Variants in LRTM1 observed in about 807,000 individuals in gnomAD.
The protein encoded by LRTM1 is leucine-rich repeat and transmembrane domain-containing protein 1.
In LRTM1, 38 loss-of-function variants were observed where a neutral mutation model predicts 32.4. The ratio of observed to expected loss-of-function variants is 1.17; its 90% CI spans 0.91 to 1.54. The LOEUF (loss-of-function observed/expected upper bound fraction) is 1.54, where lower values mean the gene tolerates loss of function less well. Among genes scored for constraint, LRTM1 ranks in the 40% most tolerant of loss-of-function variants. The probability of loss-of-function intolerance (pLI) is 0.00; values close to 1 mark genes in which losing one functional copy is unlikely to be tolerated. For synonymous variants in LRTM1, 186 were observed against 169.9 expected, an observed-to-expected ratio of 1.09 and a Z score of -0.74; for missense variants, 466 against 415.4, an observed-to-expected ratio of 1.12 and a Z score of -1.06.
intron 1 of LRTM1, among the ~76,000 whole-genome samples, chr3:54,957,414 GC>G (rs1559644792): frequency 6.6e-6 from 1 of 152,088 alleles, no homozygotes; most frequent in Non-Finnish European, 1.5e-5. Flanking sequence ...CTCCTAAAGT[GC>G]TGGGATTACA....
intron 2 of LRTM1, among the ~76,000 whole-genome samples, chr3:54,920,529 C>T (rs1184495608): frequency 6.6e-6 from 1 of 152,130 alleles, no homozygotes; most frequent in Admixed American, 6.5e-5. Context: ...ACTGATTTTC[C>T]TGAGGCCAGA....
At chr3:54,929,298 C>T (rs901982394), upstream of LRTM1, among the ~76,000 whole-genome samples, 6 of 152,126 alleles carry the variant, frequency 3.9e-5, no homozygotes, top group African/African-American at 1.2e-4. Context: ...CATAAGTGTT[C>T]ACAATTTTGC....
intron 1 of LRTM1, among the ~76,000 whole-genome samples, chr3:54,965,680 G>A (rs1000066392): frequency 6.6e-6 from 1 of 152,124 alleles, no homozygotes; most frequent in Non-Finnish European, 1.5e-5. Context: ...TTAACTTATG[G>A]GTAAAAGAAA....
intron 1 of LRTM1, among the ~76,000 whole-genome samples, chr3:54,948,955 A>T (rs1701685803): frequency 6.6e-6 from 1 of 152,256 alleles, no homozygotes; most frequent in Non-Finnish European, 1.5e-5. Context: ...TAAAAAGTCC[A>T]TAGTTATAAC....
At chr3:54,931,298 T>C (rs79766645), upstream of LRTM1, among the ~76,000 whole-genome samples, 4,774 of 152,120 alleles carry the variant, frequency 0.031, 217 homozygotes, top group African/African-American at 0.11. Context: ...CTGACCCCAA[T>C]TGGGGGTTAA....
chr3:54,956,563 TC>T (rs759739127), intron 1 of LRTM1, among the ~76,000 whole-genome samples: 3 of 152,158 alleles, frequency 2.0e-5, no homozygotes, highest in Non-Finnish European at 4.4e-5. Context: ...AAATACTTTC[TC>T]CCCCACTCCC....
rs752506987 is a variant in LRTM1 at position 54,918,476 on chromosome 3, C to G, written c.1021G>C (p.Asp341His). Residue 341 changes from aspartate (D) to histidine (H), a missense_variant, in exon 3 of 3, where the codon GAC (aspartate) becomes CAC (histidine). Coordinates refer to ENST00000273286, the MANE Select transcript of LRTM1 (RefSeq NM_020678.4). ...PGKVEEKERF[D>H]SSPA ...AAAAGCTCTCAGGCTGGTGAGCTGTCAAATCGCTCTTTTTCTTCCACCTTC... is the reference window on the plus strand; with the variant it reads ...AAAAGCTCTCAGGCTGGTGAGCTGTGAAATCGCTCTTTTTCTTCCACCTTC... 2.5e-6 allele frequency: 4 copies of G among 1,613,246 alleles called. No individual in the cohort carries two copies. Among genetic ancestry groups the G allele is most frequent in the South Asian group, 2.2e-5 (2 of 91,038 alleles).
intron 1 of LRTM1, among the ~76,000 whole-genome samples, chr3:54,936,440 C>A (rs978644668): frequency 6.6e-6 from 1 of 152,136 alleles, no homozygotes. Context: ...AGTCGCTCCA[C>A]AAACAAAGGA....
intron 1 of LRTM1, among the ~76,000 whole-genome samples, chr3:54,927,632 G>A (rs566115482): frequency 1.3e-5 from 2 of 152,098 alleles, no homozygotes; most frequent in East Asian, 1.9e-4. Flanking sequence ...AATAATATAC[G>A]AACTCCAACT....
intron 1 of LRTM1, among the ~76,000 whole-genome samples, chr3:54,943,618 C>T (rs985419613): frequency 6.6e-6 from 1 of 151,962 alleles, no homozygotes; most frequent in Non-Finnish European, 1.5e-5. Context: ...CTTCTTATTG[C>T]TTGGTTTTCC....
At chr3:54,921,141 C>T (rs1231480318) in intron 2 of LRTM1, among the ~76,000 whole-genome samples, 1 of 152,156 alleles carries the variant, frequency 6.6e-6, no homozygotes, top group African/African-American at 2.4e-5. Context: ...CAAGAAGCTC[C>T]AGCTTGCCAA....
chr3:54,952,453 G>A (rs1489019225), intron 1 of LRTM1, among the ~76,000 whole-genome samples: 1 of 152,196 alleles, frequency 6.6e-6, no homozygotes, highest in African/African-American at 2.4e-5. Context: ...AGACAGATCA[G>A]TTCACAGATG....
In LRTM1 at chr3:54,941,011, C is replaced by T. The variant is rs1038020778; in HGVS notation, c.-221-15796G>A. On this transcript the variant is annotated intron_variant, in intron 1 of 2. Coordinates refer to the LRTM1 transcript ENST00000493075. ...TTAAAACCAGTTAACACATTTAAAACTTGATAAGGCAATCCTGGTATGTTT... is the reference window on the plus strand; with the variant it reads ...TTAAAACCAGTTAACACATTTAAAATTTGATAAGGCAATCCTGGTATGTTT... Among the ~76,000 whole-genome samples, 4 of 151,556 alleles carry T rather than the reference C, an allele frequency of 2.6e-5. No individual in the cohort carries two copies. The East Asian group carries it at 7.7e-4, about 29-fold the overall frequency.
Position 54,918,741 on chromosome 3 carries a change from A to C in LRTM1, c.756T>G (p.Gly252=). The C allele has an allele frequency of 6.2e-7, 1 of 1,614,110 alleles. No homozygotes were observed. Among genetic ancestry groups the C allele is most frequent in the Non-Finnish European group, 8.5e-7 (1 of 1,180,022 alleles). ...GGTTCTCAGGAGGCCTCAGGACCAC[A>C]CCGTGGGCAGAGCCGGGCCACTGAG... ...SQAQWPGSAH[G]VVLRPPENHN... is the part of the protein sequence containing the mutation. The change falls in exon 3 of 3, where the codon GGT becomes GGG. Residue 252 remains glycine (G), a synonymous_variant. Transcript: ENST00000273286.
chr3:54,960,956 G>A (rs752522091), intron 1 of LRTM1, among the ~76,000 whole-genome samples: 1 of 152,194 alleles, frequency 6.6e-6, no homozygotes, highest in Non-Finnish European at 1.5e-5. Flanking sequence ...TATTTTCCTT[G>A]ATGCTCCAGA....
At chr3:54,941,565 T>A (rs1701467563) in intron 1 of LRTM1, among the ~76,000 whole-genome samples, 1 of 152,114 alleles carries the variant, frequency 6.6e-6, no homozygotes, top group South Asian at 2.1e-4. Context: ...GACATTTGGG[T>A]TTTTCAATAT....
chr3:54,944,396 GTATTTATTTATTTATT>G (rs542683931), intron 1 of LRTM1, among the ~76,000 whole-genome samples: 3,885 of 148,620 alleles, frequency 0.026, 71 homozygotes, highest in Non-Finnish European at 0.037. Context: ...ATTTCCCAGG[GTATTTATTTATTTATT>G]TATTTATTTA....
chr3:54,925,098 G>C lies in LRTM1; in HGVS notation c.125C>G (p.Ala42Gly), dbSNP rs747423320. ...AGGAGGTAAATGGGAAGGGATTTCG[G>C]CCAGACCCTGCTGGCTGCAGTCTAC... ...NFVDCSQQGL[A>G]EIPSHLPPQT... Residue 42 changes from alanine (A) to glycine (G), a missense_variant, in exon 2 of 3, where the codon GCC becomes GGC. Ala to Gly is a moderately conservative substitution (Grantham distance 60, BLOSUM62 0). Transcript: ENST00000273286. The C allele has an allele frequency of 1.4e-5, 22 of 1,613,928 alleles. No homozygotes were observed. The highest frequency in any genetic ancestry group is 3.3e-5 in the Admixed American group (2 of 59,990).
At chr3:54,944,570 A>G (rs1047074208) in intron 1 of LRTM1, among the ~76,000 whole-genome samples, 1 of 152,006 alleles carries the variant, frequency 6.6e-6, no homozygotes, top group African/African-American at 2.4e-5. Flanking sequence ...ACAGGCGCCC[A>G]CCACCCTGCC....
Sources: gnomAD v4.1 joint callset for allele counts (sites outside exome capture counted in the v4.1 genomes callset) on GRCh38, gnomAD v4.1.1 for gene constraint, MANE v1.5 for transcripts, NCBI Gene and HGNC (gene_info 2026-07-23, HGNC 2026-07-21) for gene names.